FMOD: variants seen among roughly 807,000 people sequenced by gnomAD.
FMOD encodes the protein fibromodulin, also known as KSPG fibromodulin.
A neutral mutation model predicts 27.0 loss-of-function variants in FMOD; 15 were observed. That is an observed-to-expected ratio of 0.55 (90% CI 0.37 to 0.85). The LOEUF is 0.85. FMOD is among the 40% of genes least tolerant of loss of function. The pLI is 0.00. For synonymous variants in FMOD, 210 were observed against 214.0 expected, an observed-to-expected ratio of 0.98 and a Z score of 0.16; for missense variants, 460 against 483.2, an observed-to-expected ratio of 0.95 and a Z score of 0.45.
At chr1:203,342,802 G>C (rs1280124001) in intron 2 of FMOD, among the ~76,000 whole-genome samples, 2 of 152,022 alleles carry the variant, frequency 1.3e-5, no homozygotes, top group African/African-American at 2.4e-5. Flanking sequence ...AGCAGGATAG[G>C]GGGGCAGGTG....
chr1:203,346,781 C>G (rs1411692170), intron 2 of FMOD, among the ~76,000 whole-genome samples: 1 of 152,194 alleles, frequency 6.6e-6, no homozygotes, highest in Non-Finnish European at 1.5e-5. Context: ...CTTCAACCCA[C>G]CATTCTCCTG....
intron 2 of FMOD, among the ~76,000 whole-genome samples, chr1:203,347,014 C>A (rs1050019914): frequency 3.3e-5 from 5 of 152,190 alleles, no homozygotes; most frequent in African/African-American, 1.2e-4. Flanking sequence ...ATACCCCCAA[C>A]CCATGCCCAC....
chr1:203,345,181 T>A (rs1658866080), intron 2 of FMOD, among the ~76,000 whole-genome samples: 1 of 152,172 alleles, frequency 6.6e-6, no homozygotes, highest in Non-Finnish European at 1.5e-5. Flanking sequence ...GCACAAGAAT[T>A]GATTTGGGAG....
chr1:203,350,490 C>A (rs1489661759), intron 1 of FMOD, among the ~76,000 whole-genome samples: 1 of 152,146 alleles, frequency 6.6e-6, no homozygotes, highest in Non-Finnish European at 1.5e-5. Context: ...CATCCCCTCA[C>A]CTGGATTGCA....
intron 1 of FMOD, among the ~76,000 whole-genome samples, chr1:203,348,786 G>A (rs542085259): frequency 3.3e-5 from 5 of 152,242 alleles, no homozygotes; most frequent in Non-Finnish European, 5.9e-5. Flanking sequence ...GCCGCTTGAC[G>A]CATCGAAGGG....
chr1:203,343,723 C>T (rs199644348), intron 2 of FMOD, among the ~76,000 whole-genome samples: 1 of 152,146 alleles, frequency 6.6e-6, no homozygotes, highest in East Asian at 1.9e-4. Context: ...GCAGGGGGTG[C>T]TTTTCTAACT....
intron 2 of FMOD, among the ~76,000 whole-genome samples, chr1:203,344,175 G>A (rs1015870166): frequency 6.6e-6 from 1 of 152,158 alleles, no homozygotes; most frequent in Non-Finnish European, 1.5e-5. Context: ...GAGCAGTGGG[G>A]TGAGGAGAAG....
chr1:203,348,746 A>G (rs1030970982), intron 1 of FMOD, among the ~76,000 whole-genome samples: 3 of 152,238 alleles, frequency 2.0e-5, no homozygotes, highest in African/African-American at 7.2e-5. Flanking sequence ...GAGTCCAAGG[A>G]GAAAGCCCTA....
In FMOD at chr1:203,348,238, C is replaced by A. The variant is rs1339655585; in HGVS notation, c.33G>T (p.Gly11=). MQWTSLLLLA[G]LFSLSQAQYE... ...ACTGGGCCTGGGAGAGGGAGAAGAG[C>A]CCTGCCAGCAGCAGGAGGGAGGTCC... The change falls in exon 2 of 3, where the codon GGG becomes GGT. Residue 11 remains glycine (G), a synonymous_variant. Coordinates refer to ENST00000354955, the MANE Select transcript of FMOD (RefSeq NM_002023.5). The A allele has an allele frequency of 1.2e-6, 2 of 1,614,024 alleles. No homozygotes were observed. The highest frequency in any genetic ancestry group is 2.2e-5 in the East Asian group (1 of 44,886).
In FMOD at chr1:203,348,113, T is replaced by C; in HGVS notation, c.158A>G (p.Tyr53Cys). 1.2e-6 allele frequency: 2 copies of C among 1,613,908 alleles called. No homozygotes were observed. The highest frequency in any genetic ancestry group is 1.7e-6 in the Non-Finnish European group (2 of 1,179,960). Reference protein sequence around the residue: ...DPYPYETYEPYPYGVDEGPAY... With the variant: ...DPYPYETYEPCPYGVDEGPAY... ...TGGCCCTTCATCCACCCCATAGGGGTAAGGCTCGTAGGTCTCATACGGGTA... is the reference window on the plus strand; with the variant it reads ...TGGCCCTTCATCCACCCCATAGGGGCAAGGCTCGTAGGTCTCATACGGGTA... The change falls in exon 2 of 3, where the codon TAC becomes TGC. Residue 53 changes from tyrosine (Y) to cysteine (C), a missense_variant. Tyr to Cys is a radical substitution (Grantham distance 194). Coordinates refer to ENST00000354955, the MANE Select transcript of FMOD (RefSeq NM_002023.5).
Position 203,347,760 on chromosome 1 carries a change from G to C in FMOD, c.511C>G (p.Pro171Ala). The change falls in exon 2 of 3, where the codon CCC (proline) becomes GCC (alanine). Residue 171 changes from proline to alanine, a missense_variant. By Grantham distance (27) the Pro-to-Ala change is conservative. Coordinates refer to ENST00000354955, the MANE Select transcript of FMOD (RefSeq NM_002023.5). ...CTCAGGGATCGAGGCAGGGGACCGG[G>C]CATCCGGGTCAGGTTGTTGTGGTCC... ...YLDHNNLTRM[P>A]GPLPRSLREL... 6.2e-7 allele frequency: 1 copy of C among 1,613,836 alleles called. No individual in the cohort carries two copies. The highest frequency in any genetic ancestry group is 8.5e-7 in the Non-Finnish European group (1 of 1,180,030).
Position 203,347,532 on chromosome 1 carries a change from C to T in FMOD, c.739G>A (p.Glu247Lys). ...KVPDGLPSALEQLYMEHNNVY... is the reference protein window; with the variant it reads ...KVPDGLPSALKQLYMEHNNVY... Reference sequence around the variant, plus strand: ...TTGTTGTGCTCCATGTACAGCTGCTCAAGAGCTGAGGGCAGCCCATCAGGC... The same window carrying T: ...TTGTTGTGCTCCATGTACAGCTGCTTAAGAGCTGAGGGCAGCCCATCAGGC... Residue 247 changes from glutamate to lysine, a missense_variant, in exon 2 of 3, where the codon GAG becomes AAG. Coordinates refer to ENST00000354955, the MANE Select transcript of FMOD (RefSeq NM_002023.5). 6.2e-7 allele frequency: 1 copy of T among 1,614,184 alleles called. No homozygotes were observed. Among genetic ancestry groups the T allele is most frequent in the Middle Eastern group, 1.6e-4 (1 of 6,062 alleles).
chr1:203,344,676 G>A (rs1658856632), intron 2 of FMOD, among the ~76,000 whole-genome samples: 1 of 152,128 alleles, frequency 6.6e-6, no homozygotes, highest in Non-Finnish European at 1.5e-5. Context: ...TCTTCTTTAA[G>A]CTCCTCTCTC....
chr1:203,346,741 C>G (rs1475655625), intron 2 of FMOD, among the ~76,000 whole-genome samples: 1 of 152,196 alleles, frequency 6.6e-6, no homozygotes, highest in Non-Finnish European at 1.5e-5. Flanking sequence ...GAGAGCTCAT[C>G]CTCTTCTGGG....
chr1:203,345,934 A>T (rs1008986367), intron 2 of FMOD, among the ~76,000 whole-genome samples: 1 of 150,448 alleles, frequency 6.6e-6, no homozygotes, highest in African/African-American at 2.4e-5. Flanking sequence ...GGACCCCTCA[A>T]TCCCCACCTT....
intron 2 of FMOD, among the ~76,000 whole-genome samples, chr1:203,343,373 T>G (rs1320868451): frequency 6.6e-6 from 1 of 152,230 alleles, no homozygotes; most frequent in Non-Finnish European, 1.5e-5. Flanking sequence ...TCCAGTCTAC[T>G]GGGTCAGTAA....
intron 2 of FMOD, among the ~76,000 whole-genome samples, chr1:203,346,630 C>A (rs953769477): frequency 1.3e-5 from 2 of 151,854 alleles, no homozygotes; most frequent in African/African-American, 2.4e-5. Context: ...TCCTTGTACT[C>A]CAGGAAGAAC....
chr1:203,344,645 T>G (rs1164971917), intron 2 of FMOD, among the ~76,000 whole-genome samples: 2 of 152,154 alleles, frequency 1.3e-5, no homozygotes, highest in Non-Finnish European at 2.9e-5. Context: ...CTGATTCCCC[T>G]GTGCGCCCCT....
At position 203,342,019 on chromosome 1, in the gene FMOD, A is replaced by T. The variant is rs367774948; in HGVS notation, c.*324T>A. ...AAAGTATGGTTATATACTATTGCCC[A>T]TGCCACTTTTGAAGTTCCATGACCT... On this transcript the variant is annotated 3_prime_UTR_variant, in exon 3 of 3. Coordinates refer to ENST00000354955, the MANE Select transcript of FMOD (RefSeq NM_002023.5). The T allele has an allele frequency of 3.2e-6, 1 of 308,690 alleles. No homozygotes were observed. The highest frequency in any genetic ancestry group is 6.3e-5 in the East Asian group (1 of 15,884). The allele number at this position is 308,690 out of a possible 1,614,324, so 19.1% of individuals were successfully genotyped here.
Sources: gnomAD v4.1 joint callset for allele counts (sites outside exome capture counted in the v4.1 genomes callset) on GRCh38, gnomAD v4.1.1 for gene constraint, MANE v1.5 for transcripts, NCBI Gene and HGNC (gene_info 2026-07-23, HGNC 2026-07-21) for gene names.